DGLUCY: variants seen among roughly 807,000 people sequenced by gnomAD.
DGLUCY encodes D-glutamate cyclase.
Under a neutral mutation model 58.5 loss-of-function variants are expected in DGLUCY, and 58 were observed. That is an observed-to-expected ratio of 0.99 (90% CI 0.80 to 1.23). The LOEUF is 1.23. Ranked by LOEUF, DGLUCY falls within the 50% of genes most tolerant of loss-of-function variation. DGLUCY has a pLI of 0.00. For missense variants in DGLUCY, 779 were observed against 784.7 expected (o/e 0.99, Z 0.09); for synonymous variants, 325 against 314.1 (o/e 1.03, Z -0.37).
At chr14:91,115,840 T>C (rs1325990640) in intron 1 of DGLUCY, among the ~76,000 whole-genome samples, 1 of 152,162 alleles carries the variant, frequency 6.6e-6, no homozygotes, top group African/African-American at 2.4e-5. Context: ...TTTCACGCGT[T>C]GTGAAAGAAT....
chr14:91,102,606 G>A (rs1366524745), intron 1 of DGLUCY, among the ~76,000 whole-genome samples: 1 of 152,096 alleles, frequency 6.6e-6, no homozygotes, highest in Non-Finnish European at 1.5e-5. Flanking sequence ...GCAAACTTTG[G>A]TTTTCTTCTT....
At chr14:91,101,926 C>T (rs1335107768) in intron 1 of DGLUCY, among the ~76,000 whole-genome samples, 1 of 152,160 alleles carries the variant, frequency 6.6e-6, no homozygotes, top group Non-Finnish European at 1.5e-5. Context: ...CTCCTGGGCT[C>T]AAGCAATCCT....
At chr14:91,083,471 G>A (rs999085357) in intron 1 of DGLUCY, among the ~76,000 whole-genome samples, 9 of 149,052 alleles carry the variant, frequency 6.0e-5, no homozygotes, top group African/African-American at 2.2e-4. Context: ...GCAGTGAGCT[G>A]AGATCGTGCC....
chr14:91,190,144 C>T (rs1037785837), intron 9 of DGLUCY, among the ~76,000 whole-genome samples: 36 of 151,660 alleles, frequency 2.4e-4, no homozygotes, highest in African/African-American at 6.5e-4. Context: ...CCCGCTACCA[C>T]GCCCGGCTAA....
intron 1 of DGLUCY, among the ~76,000 whole-genome samples, chr14:91,065,728 A>G (rs2043808553): frequency 6.6e-6 from 1 of 152,250 alleles, no homozygotes; most frequent in Non-Finnish European, 1.5e-5. Flanking sequence ...AACTTTTCAG[A>G]GGTAGTGATG....
chr14:91,143,374 C>T (rs2046842174), intron 1 of DGLUCY, among the ~76,000 whole-genome samples: 1 of 152,176 alleles, frequency 6.6e-6, no homozygotes, highest in Admixed American at 6.6e-5. Flanking sequence ...GGATTACAGG[C>T]ATGAGCCACC....
At chr14:91,140,703 G>A (rs139937592) in intron 1 of DGLUCY, among the ~76,000 whole-genome samples, 35 of 152,194 alleles carry the variant, frequency 2.3e-4, no homozygotes, top group African/African-American at 7.7e-4. Context: ...ATTTATGAAA[G>A]TCAAGAGCCT....
chr14:91,173,516 A>G lies in DGLUCY; in HGVS notation c.607+77A>G, dbSNP rs2048688710. 1.4e-5 allele frequency: 21 copies of G among 1,469,242 alleles called. No individual in the cohort carries two copies. In the Admixed American group the frequency reaches 1.9e-4, roughly 13 times the overall value. The allele number at this position is 1,469,242 out of a possible 1,614,324, so 91.0% of individuals were successfully genotyped here. A position where few individuals can be genotyped will look rare whatever the true frequency, so the allele number is the denominator to read the frequency against. Reference sequence around the variant, plus strand: ...AGGTCAGTGTCTCTCGCTCCTGCCCATGATCCCCCTGTTCACATCGGCGAC... The same window carrying G: ...AGGTCAGTGTCTCTCGCTCCTGCCCGTGATCCCCCTGTTCACATCGGCGAC... On this transcript the variant is annotated intron_variant, in intron 6 of 13. Transcript: ENST00000256324.
exon 1 of DGLUCY, chr14:91,060,498 G>T (rs1309231034): frequency 2.3e-6 from 3 of 1,282,308 alleles, no homozygotes; most frequent in Admixed American, 3.8e-5. Context: ...GCGGACGCCC[G>T]TCCCCTCGCA....
intron 10 of DGLUCY, among the ~76,000 whole-genome samples, chr14:91,197,561 C>T (rs1595895342): frequency 6.6e-6 from 1 of 152,242 alleles, no homozygotes; most frequent in East Asian, 1.9e-4. Context: ...TCCTCCTCAA[C>T]CCAGCCTCTG....
intron 8 of DGLUCY, among the ~76,000 whole-genome samples, chr14:91,186,994 T>C (rs1471587424): frequency 1.5e-5 from 1 of 65,988 alleles, no homozygotes; most frequent in African/African-American, 6.2e-5. Context: ...CCAAACCCCA[T>C]GTCTTCTTCT....
At chr14:91,086,831 G>T (rs1207697777) in intron 1 of DGLUCY, among the ~76,000 whole-genome samples, 2 of 152,104 alleles carry the variant, frequency 1.3e-5, no homozygotes, top group African/African-American at 4.8e-5. Context: ...TCAGCTCACT[G>T]CAACCTCCAC....
chr14:91,065,742 C>G (rs897134192), intron 1 of DGLUCY, among the ~76,000 whole-genome samples: 2 of 152,032 alleles, frequency 1.3e-5, no homozygotes, highest in African/African-American at 4.8e-5. Context: ...AGTGATGACA[C>G]TAGAGAAAAT....
At chr14:91,063,563 T>C (rs2043768097) in intron 1 of DGLUCY, among the ~76,000 whole-genome samples, 1 of 152,240 alleles carries the variant, frequency 6.6e-6, no homozygotes, top group South Asian at 2.1e-4. Flanking sequence ...CATAAGCTAG[T>C]TAGATGGGAT....
chr14:91,160,158 C>G (rs1344643739), intron 2 of DGLUCY, 108 bp from the exon 3 acceptor site: 4 of 741,128 alleles, frequency 5.4e-6, no homozygotes, highest in African/African-American at 1.8e-5. Flanking sequence ...AGGAACAGGG[C>G]CAGGAAAGGG....
At position 91,062,600 on chromosome 14, in the gene DGLUCY, T is replaced by A. The variant is rs1368383871; in HGVS notation, c.-82+1896T>A. Among the ~76,000 whole-genome samples, 22 of 33,640 alleles carry A rather than the reference T, an allele frequency of 6.5e-4. 1 individual carries two copies. Among genetic ancestry groups the A allele is most frequent in the Non-Finnish European group, 1.0e-3 (19 of 18,924 alleles). 22.1% of individuals were successfully genotyped at this position (33,640 alleles called of 152,430 possible). A position where few individuals can be genotyped will look rare whatever the true frequency, so the allele number is the denominator to read the frequency against. On this transcript the variant is annotated intron_variant, in intron 1 of 4. Transcript: ENST00000521334. Reference sequence around the variant, plus strand: ...ATATATATATATATATATATATATATATATATATATAAACAATCCTTAGCT... The same window carrying A: ...ATATATATATATATATATATATATAAATATATATATAAACAATCCTTAGCT...
At chr14:91,180,273 T>A (rs113390660) in intron 7 of DGLUCY, among the ~76,000 whole-genome samples, 1,812 of 151,420 alleles carry the variant, frequency 0.012, 18 homozygotes, top group Middle Eastern at 0.031. Context: ...AAGAAACAGG[T>A]TTAAAGAATA....
chr14:91,149,247 CAAAA>C (rs530717496), intron 1 of DGLUCY, among the ~76,000 whole-genome samples: 4 of 113,906 alleles, frequency 3.5e-5, no homozygotes, highest in African/African-American at 1.3e-4. Flanking sequence ...AACTCTATCT[CAAAA>C]AAAAAAAAAA....
chr14:91,220,180 G>C lies in DGLUCY; in HGVS notation c.1717-4504G>C, dbSNP rs151135042. Among the ~76,000 whole-genome samples the C allele has an allele frequency of 8.4e-3, 1,275 of 152,334 alleles. 14 individuals carry two copies. Among genetic ancestry groups the C allele is most frequent in the African/African-American group, 0.028 (1,173 of 41,566 alleles). ...GGTGGTTAGGAAGGTCGCAGGCCCT[G>C]GCCGGCTGCCTGGTTCAAGCCCTGG... On this transcript the variant is annotated intron_variant, in intron 13 of 13. Coordinates refer to ENST00000256324, the MANE Select transcript of DGLUCY (RefSeq NM_001102368.3).
Sources: gnomAD v4.1 joint callset for allele counts (sites outside exome capture counted in the v4.1 genomes callset) on GRCh38, gnomAD v4.1.1 for gene constraint, MANE v1.5 for transcripts, NCBI Gene and HGNC (gene_info 2026-07-23, HGNC 2026-07-21) for gene names.